Variants in BEST3 observed in about 807,000 individuals in gnomAD.
BEST3 encodes bestrophin 3, also known as bestrophin-3.
In BEST3, 50 loss-of-function variants were observed where a neutral mutation model predicts 47.1. That is an observed-to-expected ratio of 1.06 (90% CI 0.85 to 1.34). BEST3 has a LOEUF of 1.34. Ranked by LOEUF, BEST3 falls within the 40% of genes most tolerant of loss-of-function variation. The pLI is 0.00. For synonymous variants in BEST3, 282 were observed against 298.8 expected (o/e 0.94, Z 0.58); for missense variants, 765 against 817.0 (o/e 0.94, Z 0.78).
Position 69,654,480 on chromosome 12 carries a change from A to G in BEST3, c.*427T>C, listed in dbSNP as rs1883334245. The G allele has an allele frequency of 2.0e-6, 2 of 988,318 alleles. No homozygotes were observed. Among genetic ancestry groups the G allele is most frequent in the Non-Finnish European group, 2.4e-6 (2 of 831,908 alleles). The allele number at this position is 988,318 out of a possible 1,614,324, so 61.2% of individuals were successfully genotyped here. A position where few individuals can be genotyped will look rare whatever the true frequency, so the allele number is the denominator to read the frequency against. On this transcript the variant is annotated 3_prime_UTR_variant, in exon 10 of 10. Transcript: ENST00000330891. Reference sequence around the variant, plus strand: ...ATTAGGTGATCCATCTCCTTTCTTTATGGCTAAAGAAAAAAAGAAAGAGAA... The same window carrying G: ...ATTAGGTGATCCATCTCCTTTCTTTGTGGCTAAAGAAAAAAAGAAAGAGAA...
At chr12:69,648,132 GA>G (rs1883098304) in intron 9 of BEST3, among the ~76,000 whole-genome samples, 1 of 152,172 alleles carries the variant, frequency 6.6e-6, no homozygotes, top group Non-Finnish European at 1.5e-5. Context: ...GGGATGTAGA[GA>G]TGCAAGGACA....
Position 69,654,654 on chromosome 12 carries a change from T to C in BEST3, c.*253A>G. 8.2e-7 allele frequency: 1 copy of C among 1,224,274 alleles called. No homozygotes were observed. Among genetic ancestry groups the C allele is most frequent in the South Asian group, 3.3e-5 (1 of 30,038 alleles). The allele number at this position is 1,224,274 out of a possible 1,614,324, so 75.8% of individuals were successfully genotyped here. ...GATTCCTTTTTTTGGTTAAGACTTA[T>C]TTGGCTAAATCACTGTGGTCTGTGT... On this transcript the variant is annotated 3_prime_UTR_variant, in exon 10 of 10. Coordinates refer to ENST00000330891, the MANE Select transcript of BEST3 (RefSeq NM_032735.3).
intron 1 of BEST3, 78 bp from the exon 2 acceptor site, chr12:69,697,891 A>C (rs1280333248): frequency 1.7e-6 from 2 of 1,177,014 alleles, no homozygotes; most frequent in Admixed American, 5.2e-5. Flanking sequence ...CTGTATATCA[A>C]GGAAATTCAA....
intron 9 of BEST3, chr12:69,670,149 T>C (rs1266700738): frequency 1.4e-5 from 4 of 279,512 alleles, no homozygotes; most frequent in East Asian, 6.0e-5. Flanking sequence ...ATTGAGATGA[T>C]TGCTGGATGT....
chr12:69,677,218 C>T lies in BEST3; in HGVS notation c.676G>A (p.Gly226Ser), dbSNP rs766515260. ...AGCGGAATCCCAACCCAGTCATAAC[C>T]GAATAAGAGGCTGCACCAAGAGCGG... ...RYRSWCSLLF[G>S]YDWVGIPLVY... The change falls in exon 6 of 10, where the codon GGT becomes AGT. Residue 226 changes from glycine to serine, a missense_variant. By Grantham distance (56) the Gly-to-Ser change is moderately conservative (BLOSUM62 0). Coordinates refer to ENST00000330891, the MANE Select transcript of BEST3 (RefSeq NM_032735.3). 30 of 1,613,554 alleles carry T rather than the reference C, an allele frequency of 1.9e-5. No homozygotes were observed. Among genetic ancestry groups the T allele is most frequent in the South Asian group, 5.5e-5 (5 of 90,968 alleles).
In BEST3 at chr12:69,677,912, C is replaced by T. The variant is rs570157813; in HGVS notation, c.637-655G>A. On this transcript the variant is annotated intron_variant, in intron 5 of 9. Coordinates refer to ENST00000330891, the MANE Select transcript of BEST3 (RefSeq NM_032735.3). ...AATGTTTTAAATAAGTAATTTTTAT[C>T]GATTTTGGTAGGTAATCTGGAAAGC... Among the ~76,000 whole-genome samples, 37 of 152,182 alleles carry T rather than the reference C, an allele frequency of 2.4e-4. No homozygotes were observed. The East Asian group carries it at 3.7e-3, about 15-fold the overall frequency.
At chr12:69,643,730 C>T in exon 10 of BEST3, 1 of 715,738 alleles carries the variant, frequency 1.4e-6, no homozygotes. Flanking sequence ...GGAATTGAGG[C>T]TGAGGGAGTG....
intron 9 of BEST3, among the ~76,000 whole-genome samples, chr12:69,666,219 T>A (rs149936806): frequency 5.3e-5 from 8 of 152,328 alleles, no homozygotes; most frequent in Non-Finnish European, 8.8e-5. Context: ...GGTTTCATCA[T>A]GTTGGCCAGG....
chr12:69,664,505 C>T (rs1173729202), intron 9 of BEST3, among the ~76,000 whole-genome samples: 1 of 152,072 alleles, frequency 6.6e-6, no homozygotes, highest in African/African-American at 2.4e-5. Flanking sequence ...CTGTGTCTTT[C>T]CTCTCTTCCA....
chr12:69,686,499 G>A (rs561520240), intron 4 of BEST3, among the ~76,000 whole-genome samples: 2 of 152,036 alleles, frequency 1.3e-5, no homozygotes, highest in African/African-American at 2.4e-5. Flanking sequence ...TGCTGGCTGG[G>A]CTCGGTGGCT....
downstream of BEST3, among the ~76,000 whole-genome samples, chr12:69,651,880 A>C (rs1883222251): frequency 6.6e-6 from 1 of 152,162 alleles, no homozygotes; most frequent in African/African-American, 2.4e-5. Context: ...GAGTATTTCT[A>C]AGATTTAAAC....
intron 9 of BEST3, chr12:69,670,589 A>C: frequency 1.4e-6 from 1 of 702,188 alleles, no homozygotes; most frequent in Non-Finnish European, 2.6e-6. Context: ...CTGAAAGTAG[A>C]AGGAGGAGGG....
In BEST3 at chr12:69,655,231, G is replaced by C. The variant is rs778110386; in HGVS notation, c.1683C>G (p.Gly561=). The change falls in exon 10 of 10, where the codon GGC becomes GGG. Residue 561 remains glycine (G), a synonymous_variant. Transcript: ENST00000330891. ...TGGCTGAAACTGTCTGGGGACTGGG[G>C]CCTCCAGGAGGTGTCTCCTTCTCTG... ...SPSEKETPPG[G]PSPQTVSASA... is the part of the protein sequence containing the mutation. 4 of 1,614,032 alleles carry C rather than the reference G, an allele frequency of 2.5e-6. No individual in the cohort carries two copies. The Admixed American group carries it at 5.0e-5, about 20-fold the overall frequency.
At chr12:69,697,979 T>G (rs1288169469) in intron 1 of BEST3, among the ~76,000 whole-genome samples, 166 bp from the exon 2 acceptor site, 2 of 152,240 alleles carry the variant, frequency 1.3e-5, no homozygotes, top group Non-Finnish European at 2.9e-5. Flanking sequence ...AACCATTATC[T>G]CAGTTTAGCA....
chr12:69,671,065 C>G (rs921943179), intron 9 of BEST3, among the ~76,000 whole-genome samples: 9 of 152,090 alleles, frequency 5.9e-5, no homozygotes, highest in African/African-American at 2.2e-4. Flanking sequence ...CATACTAAGC[C>G]TAGGTAGAAA....
chr12:69,694,211 C>G (rs1462621695), intron 3 of BEST3, 159 bp downstream of exon 3: 1 of 593,188 alleles, frequency 1.7e-6, no homozygotes, highest in Non-Finnish European at 3.0e-6. Context: ...TTCGCAAAAG[C>G]AGCCGTGAAG....
intron 4 of BEST3, among the ~76,000 whole-genome samples, chr12:69,693,055 TATG>T (rs1885981827): frequency 6.6e-6 from 1 of 152,096 alleles, no homozygotes; most frequent in African/African-American, 2.4e-5. Flanking sequence ...GTTTAATAAA[TATG>T]ATAATTATTA....
intron 9 of BEST3, among the ~76,000 whole-genome samples, chr12:69,647,812 A>G (rs895495683): frequency 3.3e-5 from 5 of 152,228 alleles, no homozygotes; most frequent in Non-Finnish European, 5.9e-5. Flanking sequence ...TTTAATAGAC[A>G]CACAAAGGAT....
At position 69,654,916 on chromosome 12, in the gene BEST3, T is replaced by G. The variant is rs776823829; in HGVS notation, c.1998A>C (p.Ser666=). 6.2e-7 allele frequency: 1 copy of G among 1,609,732 alleles called. No individual in the cohort carries two copies. Among genetic ancestry groups the G allele is most frequent in the Non-Finnish European group, 8.5e-7 (1 of 1,177,120 alleles). The change falls in exon 10 of 10, where the codon TCA becomes TCC. Residue 666 remains serine (S), a synonymous_variant. Transcript: ENST00000330891. The part of the protein sequence containing the change: ...IIELNKETEE[S]PK Reference sequence around the variant, plus strand: ...TAGAACTTGGTGGCACTCATTTGGGTGATTCCTCAGTTTCCTTGTTCAGCT... The same window carrying G: ...TAGAACTTGGTGGCACTCATTTGGGGGATTCCTCAGTTTCCTTGTTCAGCT...
Sources: gnomAD v4.1 joint callset for allele counts (sites outside exome capture counted in the v4.1 genomes callset) on GRCh38, gnomAD v4.1.1 for gene constraint, MANE v1.5 for transcripts, NCBI Gene and HGNC (gene_info 2026-07-23, HGNC 2026-07-21) for gene names.